The following AKAP13 variants were observed in gnomAD, a reference collection of about 807,000 sequenced individuals.
AKAP13 encodes A-kinase anchoring protein 13.
Under a neutral mutation model 264.5 loss-of-function variants are expected in AKAP13, and 80 were observed. That is an observed-to-expected ratio of 0.30 (90% CI 0.25 to 0.36). The LOEUF (loss-of-function observed/expected upper bound fraction) is 0.36, where lower values mean the gene tolerates loss of function less well. Ranked by LOEUF, AKAP13 falls within the 10% of genes least tolerant of loss-of-function variation. The probability of loss-of-function intolerance (pLI) is 1.00; values close to 1 mark genes in which losing one functional copy is unlikely to be tolerated. For missense variants in AKAP13, 3,712 were observed against 3,435.2 expected (o/e 1.08, Z -2.01); for synonymous variants, 1,380 against 1,250.2 (o/e 1.10, Z -2.19).
intron 2 of AKAP13, among the ~76,000 whole-genome samples, chr15:85,507,780 G>A (rs907260794): frequency 6.6e-6 from 1 of 152,230 alleles, no homozygotes; most frequent in South Asian, 2.1e-4. Flanking sequence ...GCAGCGGCAA[G>A]TGGGAGTAGG....
chr15:85,721,955 C>G (rs762065752), intron 23 of AKAP13, 36 bp from the exon 24 acceptor site: 1 of 1,611,572 alleles, frequency 6.2e-7, no homozygotes, highest in Non-Finnish European at 8.5e-7. Context: ...GAGTTTGGCG[C>G]CCCATGGCAT....
At chr15:85,391,933 T>G (rs2150807037) in intron 1 of AKAP13, among the ~76,000 whole-genome samples, 1 of 151,326 alleles carries the variant, frequency 6.6e-6, no homozygotes, top group South Asian at 2.1e-4. Flanking sequence ...TGTAGGCATG[T>G]GCCACCATAC....
At chr15:85,596,508 G>A (rs1035803073) in intron 8 of AKAP13, among the ~76,000 whole-genome samples, 36 of 152,050 alleles carry the variant, frequency 2.4e-4, no homozygotes, top group Admixed American at 1.3e-4. Context: ...ATCTGAGCCT[G>A]GGGAGGTGGA....
chr15:85,536,863 T>C (rs2077418016), intron 4 of AKAP13: 1 of 152,114 alleles, frequency 6.6e-6, no homozygotes, highest in African/African-American at 2.4e-5. Flanking sequence ...GGGAATTCTT[T>C]GGGTTGTTGG....
chr15:85,691,941 A>G (rs895012822), intron 16 of AKAP13: 2 of 460,186 alleles, frequency 4.3e-6, no homozygotes, highest in African/African-American at 4.0e-5. Flanking sequence ...CTGCACCCCT[A>G]GGTACTCAGG....
chr15:85,528,114 G>C (rs2151178593), intron 3 of AKAP13, among the ~76,000 whole-genome samples: 1 of 152,314 alleles, frequency 6.6e-6, no homozygotes, highest in East Asian at 1.9e-4. Flanking sequence ...TGCTTCAGCA[G>C]TTTTGTTTAT....
At chr15:85,647,797 G>A (rs191845303) in intron 10 of AKAP13, among the ~76,000 whole-genome samples, 211 of 152,190 alleles carry the variant, frequency 1.4e-3, no homozygotes, top group African/African-American at 4.9e-3. Flanking sequence ...TAGTGGTGGC[G>A]GGCACCTGTA....
intron 1 of AKAP13, among the ~76,000 whole-genome samples, chr15:85,398,023 G>C (rs1187751462): frequency 6.6e-6 from 1 of 152,172 alleles, no homozygotes; most frequent in Admixed American, 6.5e-5. Flanking sequence ...GGCCCAGAGA[G>C]GCTGGACTTG....
At chr15:85,426,955 GTTTT>G (rs71468105) in intron 1 of AKAP13, among the ~76,000 whole-genome samples, 1 of 125,088 alleles carries the variant, frequency 8.0e-6, no homozygotes, top group Non-Finnish European at 1.7e-5. Context: ...GTTTTGTTTT[GTTTT>G]TTTTTTTTTT....
Position 85,727,504 on chromosome 15 carries a change from T to G in AKAP13, c.7087+41T>G. ...TGGTCTGAGCCCCTTGTCTGGAATG[T>G]CTGCAGTTGCAGAAGACTGCTGGTG... On this transcript the variant is annotated intron_variant, in intron 29 of 36. Transcript: ENST00000394518. This position sits in a 1 kb window ranked among gnomAD's most constrained non-coding sequence, Gnocchi z 5.3. 1 of 1,606,094 alleles carries G rather than the reference T, an allele frequency of 6.2e-7. No individual in the cohort carries two copies. Among genetic ancestry groups the G allele is most frequent in the Non-Finnish European group, 8.5e-7 (1 of 1,173,646 alleles).
intron 21 of AKAP13, among the ~76,000 whole-genome samples, chr15:85,717,700 C>T (rs2087032635): frequency 6.6e-6 from 1 of 152,194 alleles, no homozygotes; most frequent in African/African-American, 2.4e-5. Context: ...CAATTGTAAG[C>T]CTGCTCTCTT....
At chr15:85,583,538 G>A (rs2079209509) in intron 7 of AKAP13, among the ~76,000 whole-genome samples, 1 of 152,202 alleles carries the variant, frequency 6.6e-6, no homozygotes, top group South Asian at 2.1e-4. Flanking sequence ...ACAACAACAA[G>A]TCTATTTTGG....
chr15:85,477,637 G>GAAA (rs1309806715), intron 1 of AKAP13, among the ~76,000 whole-genome samples: 11 of 49,708 alleles, frequency 2.2e-4, no homozygotes, highest in Non-Finnish European at 2.7e-4. Flanking sequence ...TTAAAAAAAG[G>GAAA]AAAAAAAAAA....
Position 85,723,572 on chromosome 15 carries a change from T to TA in AKAP13, c.6745+259dup, listed in dbSNP as rs36104002. Among the ~76,000 whole-genome samples the TA allele has an allele frequency of 4.9e-4, 75 of 152,190 alleles. No individual in the cohort carries two copies. In the East Asian group the frequency reaches 0.013, roughly 25 times the overall value. On this transcript the variant is annotated intron_variant, in intron 26 of 36. Transcript: ENST00000394518. ...TCAGGGAAAATGGAAAATAAGGTTT[T>TA]AAAAAAACAAAGCAAAGCGTAAGAT... is the stretch of plus-strand genomic sequence containing the variant.
At chr15:85,452,228 T>C (rs2074117798) in intron 1 of AKAP13, among the ~76,000 whole-genome samples, 1 of 152,054 alleles carries the variant, frequency 6.6e-6, no homozygotes, top group Admixed American at 6.5e-5. Flanking sequence ...GGTTTTTTTT[T>C]TTTTTTAAAT....
At chr15:85,475,254 G>A (rs1309764847) in intron 1 of AKAP13, among the ~76,000 whole-genome samples, 2 of 152,122 alleles carry the variant, frequency 1.3e-5, no homozygotes, top group South Asian at 2.1e-4. Context: ...TCTTATTACC[G>A]TAGGGATAGG....
intron 3 of AKAP13, among the ~76,000 whole-genome samples, chr15:85,522,384 G>A (rs993113442): frequency 2.0e-5 from 3 of 152,102 alleles, no homozygotes; most frequent in Non-Finnish European, 4.4e-5. Context: ...AAGGGAAAAG[G>A]CAAATACAAA....
intron 1 of AKAP13, among the ~76,000 whole-genome samples, chr15:85,432,711 C>A (rs2073076065): frequency 6.6e-6 from 1 of 152,074 alleles, no homozygotes. Context: ...AAAAATGGTC[C>A]ATGATCCTGG....
chr15:85,413,392 G>T (rs1027600403), intron 1 of AKAP13, among the ~76,000 whole-genome samples: 1 of 152,206 alleles, frequency 6.6e-6, no homozygotes, highest in Non-Finnish European at 1.5e-5. Context: ...CTGTAGTTCA[G>T]TTGTCGTTGC....
Sources: gnomAD v4.1 joint callset for allele counts (sites outside exome capture counted in the v4.1 genomes callset) on GRCh38, gnomAD v4.1.1 for gene constraint, Gnocchi (gnomAD v3.1) non-coding constraint, MANE v1.5 for transcripts, NCBI Gene and HGNC (gene_info 2026-07-23, HGNC 2026-07-21) for gene names.